The following SLIT1 variants were observed in gnomAD, a reference collection of about 807,000 sequenced individuals.
SLIT1 encodes slit guidance ligand 1.
A neutral mutation model predicts 186.1 loss-of-function variants in SLIT1; 66 were observed. That is an observed-to-expected ratio of 0.35 (90% CI 0.29 to 0.44). The LOEUF (loss-of-function observed/expected upper bound fraction) is 0.44, where lower values mean the gene tolerates loss of function less well. Ranked by LOEUF, SLIT1 falls within the 20% of genes least tolerant of loss-of-function variation. The pLI, the probability that SLIT1 is intolerant of heterozygous loss-of-function variation, is 1.00. For missense variants in SLIT1, 1,638 were observed against 2,037.4 expected, an observed-to-expected ratio of 0.80 and a Z score of 3.77; for synonymous variants, 761 against 833.8, an observed-to-expected ratio of 0.91 and a Z score of 1.50.
rs1848969214 is a variant in SLIT1, at chr10:97,068,247, G to C, written c.414-2161C>G. ...CTGGGCTGGGGACTTGCAGCTGGAG[G>C]GAGGAGCCTGGGGTTCGAGGCCTGG... On this transcript the variant is annotated intron_variant, in intron 4 of 36. Transcript: ENST00000266058. This position sits in a 1 kb window ranked among gnomAD's most constrained non-coding sequence, Gnocchi z 4.2. Among the ~76,000 whole-genome samples, 1 of 152,086 alleles carries C rather than the reference G, an allele frequency of 6.6e-6. No homozygotes were observed. Among genetic ancestry groups the C allele is most frequent in the Admixed American group, 6.5e-5 (1 of 15,282 alleles).
intron 4 of SLIT1, among the ~76,000 whole-genome samples, chr10:97,072,016 C>T (rs543710695): frequency 6.6e-5 from 10 of 152,148 alleles, no homozygotes; most frequent in Admixed American, 2.0e-4. Flanking sequence ...TATGCAAAGA[C>T]GCTGGGGCAT....
At chr10:97,067,876 A>C (rs2134643180) in intron 4 of SLIT1, among the ~76,000 whole-genome samples, 1 of 151,768 alleles carries the variant, frequency 6.6e-6, no homozygotes, top group Admixed American at 6.6e-5. Context: ...CCCTCACCCC[A>C]CAGGGTCCGA....
chr10:97,148,596 T>A (rs892141959), intron 4 of SLIT1, among the ~76,000 whole-genome samples: 41 of 152,216 alleles, frequency 2.7e-4, no homozygotes, highest in Non-Finnish European at 4.6e-4. Context: ...TTTATTTTTT[T>A]AAAATTTTGC....
intron 4 of SLIT1, among the ~76,000 whole-genome samples, chr10:97,141,566 GC>G (rs1849757952): frequency 1.3e-5 from 2 of 152,168 alleles, no homozygotes; most frequent in African/African-American, 4.8e-5. Flanking sequence ...GAACAGGACT[GC>G]CCTCCCCTGG....
Position 97,046,703 on chromosome 10 carries a change from C to T in SLIT1, c.1804G>A (p.Glu602Lys). Residue 602 changes from glutamate (E) to lysine (K), a missense_variant, in exon 18 of 37, where the codon GAG (glutamate) becomes AAG (lysine). Glu to Lys is a moderately conservative substitution (Grantham distance 56, BLOSUM62 1). This residue lies in a region of SLIT1 where 1,245 missense variants were observed against 1,535.3 expected (regional missense o/e 0.81). Coordinates refer to ENST00000266058, the MANE Select transcript of SLIT1 (RefSeq NM_003061.3). The part of the protein sequence containing the change: ...SELHLTANQL[E>K]SIRSGMFRGL... ...CGGAACATGCCGCTCCGGATGGACT[C>T]CAGCTGGTTGGCAGTTAGGTGCAGC... is the stretch of plus-strand genomic sequence containing the variant. 3.1e-6 allele frequency: 5 copies of T among 1,612,038 alleles called. No individual in the cohort carries two copies. The highest frequency in any genetic ancestry group is 2.7e-5 in the African/African-American group (2 of 75,078).
In SLIT1 at chr10:97,000,162, G is replaced by A. The variant is rs1041786761; in HGVS notation, c.*950C>T. 7 of 152,284 alleles carry A rather than the reference G, an allele frequency of 4.6e-5. No individual in the cohort carries two copies. The highest frequency in any genetic ancestry group is 1.7e-4 in the African/African-American group (7 of 41,438). 9.4% of individuals were successfully genotyped at this position (152,284 alleles called of 1,614,324 possible). A position where few individuals can be genotyped will look rare whatever the true frequency, so the allele number is the denominator to read the frequency against. On this transcript the variant is annotated 3_prime_UTR_variant, in exon 37 of 37. Transcript: ENST00000266058. ...GCTCCCTACTGGCCTGCGGTGTGAA[G>A]GACTCTGAACCAGCTGCTCCCAGGT...
chr10:97,099,577 G>A (rs1000114301), intron 4 of SLIT1, among the ~76,000 whole-genome samples: 6 of 152,330 alleles, frequency 3.9e-5, no homozygotes, highest in African/African-American at 1.4e-4. Context: ...ATCTCTGCCT[G>A]TGGCCTGGCC....
At chr10:97,177,302 G>A (rs1850269637) in intron 1 of SLIT1, among the ~76,000 whole-genome samples, 1 of 152,152 alleles carries the variant, frequency 6.6e-6, no homozygotes, top group Admixed American at 6.5e-5. Context: ...CAAATCCACA[G>A]CTTCTCCTCC....
In SLIT1 at chr10:97,021,996, C is replaced by T. The variant is rs1279167553; in HGVS notation, c.2583-583G>A. On this transcript the variant is annotated intron_variant, in intron 25 of 36. Coordinates refer to ENST00000266058, the MANE Select transcript of SLIT1 (RefSeq NM_003061.3). This position sits in a 1 kb window ranked among gnomAD's most constrained non-coding sequence, Gnocchi z 4.5. ...ATTTGCCTAAGATCACACAGAGAAA[C>T]GGGAAGCTGTTGGGGCCATGCTGTT... is the stretch of plus-strand genomic sequence containing the variant. 1.3e-5 allele frequency among the ~76,000 whole-genome samples: 2 copies of T among 152,204 alleles called. No homozygotes were observed. The highest frequency in any genetic ancestry group is 4.8e-5 in the African/African-American group (2 of 41,456).
chr10:97,080,971 C>T (rs1849098825), intron 4 of SLIT1, among the ~76,000 whole-genome samples: 1 of 152,216 alleles, frequency 6.6e-6, no homozygotes, highest in Non-Finnish European at 1.5e-5. Context: ...ACCTACTACG[C>T]TGCTCTTTGC....
In SLIT1 at chr10:96,999,303, C is replaced by T. The variant is rs79999593; in HGVS notation, c.*1809G>A. ...CTGCCACATTGGGCAGGGCACTGCC[C>T]TCTTCCCATCACAGGGACCCCAGGA... is the stretch of plus-strand genomic sequence containing the variant. On this transcript the variant is annotated 3_prime_UTR_variant, in exon 37 of 37. Transcript: ENST00000266058. 3,071 of 152,418 alleles carry T rather than the reference C, an allele frequency of 0.02. 40 individuals are homozygous for T. Among genetic ancestry groups the T allele is most frequent in the South Asian group, 0.044 (214 of 4,830 alleles). 9.4% of individuals were successfully genotyped at this position (152,418 alleles called of 1,614,324 possible).
intron 4 of SLIT1, among the ~76,000 whole-genome samples, chr10:97,143,989 G>A (rs1849791647): frequency 6.6e-6 from 1 of 152,168 alleles, no homozygotes; most frequent in South Asian, 2.1e-4. Context: ...CCTGAGGTCA[G>A]GAGTTCAAGA....
chr10:97,059,351 G>T (rs1386229274), intron 11 of SLIT1, 109 bp downstream of exon 11: 1 of 875,880 alleles, frequency 1.1e-6, no homozygotes, highest in African/African-American at 1.6e-5. Flanking sequence ...GCTGTGTGGA[G>T]GGGGGCATAG....
At chr10:97,014,225 G>A (rs977382757) in intron 28 of SLIT1, 67 bp from the exon 29 acceptor site, 32 of 1,550,226 alleles carry the variant, frequency 2.1e-5, no homozygotes, top group East Asian at 6.7e-5. Flanking sequence ...TGTGGCTGCC[G>A]GTTAATATCA....
At chr10:97,157,499 G>A in intron 4 of SLIT1, 1 of 351,842 alleles carries the variant, frequency 2.8e-6, no homozygotes, top group Non-Finnish European at 5.1e-6. Context: ...GGGTAAGAAT[G>A]AGCCCCTGTA....
chr10:97,091,746 C>T (rs1849234270), intron 4 of SLIT1, among the ~76,000 whole-genome samples: 1 of 152,234 alleles, frequency 6.6e-6, no homozygotes, highest in Admixed American at 6.5e-5. Flanking sequence ...AGTCAGGTTG[C>T]TGGCTGAAGT....
intron 4 of SLIT1, among the ~76,000 whole-genome samples, chr10:97,078,489 A>G (rs1295960910): frequency 6.6e-6 from 1 of 152,218 alleles, no homozygotes; most frequent in Non-Finnish European, 1.5e-5. Flanking sequence ...TTTGCTATGC[A>G]GCTACTGAGC....
At position 97,004,342 on chromosome 10, in the gene SLIT1, A is replaced by G; in HGVS notation, c.3711-120T>C. ...CCAGGAGACCAAATATCTAAGGAAAAGGACTGTGGGGGCTCAAGGGTCTAT... is the reference window on the plus strand; with the variant it reads ...CCAGGAGACCAAATATCTAAGGAAAGGGACTGTGGGGGCTCAAGGGTCTAT... On this transcript the variant is annotated intron_variant, in intron 33 of 36. Transcript: ENST00000266058. The surrounding 1 kb of genome is among the most constrained non-coding windows in gnomAD (Gnocchi z 5.1). The G allele has an allele frequency of 9.9e-7, 1 of 1,011,820 alleles. No homozygotes were observed. Among genetic ancestry groups the G allele is most frequent in the Non-Finnish European group, 1.5e-6 (1 of 678,722 alleles). The allele number at this position is 1,011,820 out of a possible 1,614,324, so 62.7% of individuals were successfully genotyped here.
At chr10:97,157,281 G>T (rs1260229650) in intron 4 of SLIT1, 1 of 152,384 alleles carries the variant, frequency 6.6e-6, no homozygotes, top group African/African-American at 2.4e-5. Flanking sequence ...GCAAATCATG[G>T]TGCAGCAGAA....
Sources: allele counts gnomAD v4.1 joint callset (sites outside exome capture counted in the v4.1 genomes callset), GRCh38; gene constraint gnomAD v4.1.1; regional missense constraint gnomAD v4.1.1; non-coding constraint Gnocchi (gnomAD v3.1); transcripts MANE v1.5; gene names NCBI Gene and HGNC (gene_info 2026-07-23, HGNC 2026-07-21).